The following TBC1D9B variants were observed in gnomAD, a reference collection of about 807,000 sequenced individuals.
TBC1D9B encodes TBC1 domain family member 9B.
In TBC1D9B, 87 loss-of-function variants were observed where a neutral mutation model predicts 121.1. The observed-to-expected ratio is 0.72, with a 90% CI of 0.60 to 0.86. The LOEUF (loss-of-function observed/expected upper bound fraction) is 0.86, where lower values mean the gene tolerates loss of function less well. Ranked by LOEUF, TBC1D9B falls within the 40% of genes least tolerant of loss-of-function variation. The pLI is 0.00. For missense variants in TBC1D9B, 1,540 were observed against 1,628.6 expected, an observed-to-expected ratio of 0.95 and a Z score of 0.94; for synonymous variants, 668 against 670.1, an observed-to-expected ratio of 1.00 and a Z score of 0.05.
chr5:179,903,426 T>C (rs1350578755), intron 2 of TBC1D9B, among the ~76,000 whole-genome samples: 1 of 152,142 alleles, frequency 6.6e-6, no homozygotes, highest in Admixed American at 6.5e-5. Flanking sequence ...GTGAGTGCGC[T>C]TCCACCTAGG....
intron 7 of TBC1D9B, among the ~76,000 whole-genome samples, chr5:179,880,401 A>C (rs1053233541): frequency 4.6e-5 from 7 of 152,166 alleles, no homozygotes; most frequent in African/African-American, 1.7e-4. Flanking sequence ...GACCAGGGCC[A>C]GCTGACTGCC....
At chr5:179,869,682 C>T (rs1359470614) in intron 17 of TBC1D9B, 87 bp downstream of exon 17, 3 of 1,468,992 alleles carry the variant, frequency 2.0e-6, no homozygotes, top group Admixed American at 3.6e-5. Flanking sequence ...CCTCGAGGCC[C>T]CACAGTCTCA....
Position 179,871,505 on chromosome 5 carries a change from C to G in TBC1D9B, c.2441G>C (p.Gly814Ala). 6.2e-7 allele frequency: 1 copy of G among 1,613,222 alleles called. No homozygotes were observed. The highest frequency in any genetic ancestry group is 2.2e-5 in the East Asian group (1 of 44,888). Residue 814 changes from glycine (G) to alanine (A), a missense_variant, in exon 15 of 21, where the codon GGT becomes GCT. Physicochemically the swap from Gly to Ala is moderately conservative, Grantham distance 60. Transcript: ENST00000355235. ...GTCCTCCAGCTCTTCAATGGAGAAA[C>G]CAATGTCCACAGGTATAGCTCGGAC... ...SVVRAIPVDIGFSIEELEDLY... is the reference protein window; with the variant it reads ...SVVRAIPVDIAFSIEELEDLY...
intron 5 of TBC1D9B, among the ~76,000 whole-genome samples, chr5:179,892,800 G>A (rs1483029155): frequency 1.3e-5 from 2 of 152,188 alleles, no homozygotes; most frequent in African/African-American, 2.4e-5. Flanking sequence ...ATTTACCAAA[G>A]CCTTTCTGGG....
chr5:179,886,314 A>G (rs917337226), intron 7 of TBC1D9B, among the ~76,000 whole-genome samples: 14 of 152,212 alleles, frequency 9.2e-5, no homozygotes, highest in African/African-American at 3.4e-4. Flanking sequence ...GGCCTAGAAT[A>G]GCAGCTGGCA....
At chr5:179,897,632 T>C (rs1761057596) in intron 3 of TBC1D9B, among the ~76,000 whole-genome samples, 1 of 152,236 alleles carries the variant, frequency 6.6e-6, no homozygotes. Flanking sequence ...GCCTCAATTC[T>C]AAATATTTTC....
rs1386697696 is a variant in TBC1D9B at position 179,863,273 on chromosome 5, A to T, written c.*175T>A. 2.9e-6 allele frequency: 2 copies of T among 695,814 alleles called. No individual in the cohort carries two copies. Among genetic ancestry groups the T allele is most frequent in the East Asian group, 5.7e-5 (2 of 34,858 alleles). 43.1% of individuals were successfully genotyped at this position (695,814 alleles called of 1,614,324 possible). A position where few individuals can be genotyped will look rare whatever the true frequency, so the allele number is the denominator to read the frequency against. ...GGCGCCAGGAGATGCAGGCCCAGGG[A>T]ATCTGTCTAAGGCAGCTGGGTCTGC... On this transcript the variant is annotated 3_prime_UTR_variant, in exon 21 of 21. Transcript: ENST00000355235. This position sits in a 1 kb window ranked among gnomAD's most constrained non-coding sequence, Gnocchi z 4.5.
intron 3 of TBC1D9B, 84 bp downstream of exon 3, chr5:179,899,105 C>A: frequency 8.6e-7 from 1 of 1,161,552 alleles, no homozygotes; most frequent in East Asian, 2.4e-5. Context: ...ACGCACCCTA[C>A]ATCGTGAAGA....
rs776988631 is a variant in TBC1D9B, at chr5:179,891,337, G to A, written c.1044+42C>T. The A allele has an allele frequency of 4.3e-6, 7 of 1,609,696 alleles. No individual in the cohort carries two copies. The highest frequency in any genetic ancestry group is 2.2e-5 in the East Asian group (1 of 44,836). ...TGGTCCCTGAGCCCACTGACACCTCGGGGCTGGAAAGGCCTTGGCCTCTCA... is the reference window on the plus strand; with the variant it reads ...TGGTCCCTGAGCCCACTGACACCTCAGGGCTGGAAAGGCCTTGGCCTCTCA... On this transcript the variant is annotated intron_variant, in intron 6 of 20. Transcript: ENST00000355235. The surrounding 1 kb of genome is among the most constrained non-coding windows in gnomAD (Gnocchi z 4.3).
chr5:179,881,100 C>T (rs1399877100), intron 7 of TBC1D9B, among the ~76,000 whole-genome samples: 3 of 152,170 alleles, frequency 2.0e-5, no homozygotes, highest in East Asian at 1.9e-4. Context: ...GTGCAGCCAA[C>T]GTGTGCTCCT....
At position 179,891,485 on chromosome 5, in the gene TBC1D9B, G is replaced by A. The variant is rs1196671733; in HGVS notation, c.938C>T (p.Pro313Leu). The A allele has an allele frequency of 3.7e-6, 6 of 1,614,088 alleles. No individual in the cohort carries two copies. The highest frequency in any genetic ancestry group is 1.1e-5 in the South Asian group (1 of 91,088). Residue 313 changes from proline to leucine, a missense_variant, in exon 6 of 21, where the codon CCG becomes CTG. Pro to Leu is a moderately conservative substitution (Grantham distance 98). Coordinates refer to ENST00000355235, the MANE Select transcript of TBC1D9B (RefSeq NM_015043.4). The surrounding 1 kb of genome is among the most constrained non-coding windows in gnomAD (Gnocchi z 4.3). ...DGHTSCTLWT[P>L]FNKLHIPGQM... ...GCCAGGGATGTGCAGCTTGTTGAACGGCGTCCACAGGGTGCAGCTTGTGTG... is the reference window on the plus strand; with the variant it reads ...GCCAGGGATGTGCAGCTTGTTGAACAGCGTCCACAGGGTGCAGCTTGTGTG...
chr5:179,880,013 C>T (rs907801370), intron 7 of TBC1D9B: 1 of 597,600 alleles, frequency 1.7e-6, no homozygotes, highest in African/African-American at 1.9e-5. Flanking sequence ...TAATTAACCC[C>T]ACTCTCACCA....
At chr5:179,867,746 TG>T in intron 18 of TBC1D9B, 31 bp downstream of exon 18, 1 of 1,601,504 alleles carries the variant, frequency 6.2e-7, no homozygotes. Context: ...GAGTGCTGGC[TG>T]GGCATGTCGG....
chr5:179,897,015 TC>T (rs1212543220), intron 3 of TBC1D9B, among the ~76,000 whole-genome samples: 1 of 152,058 alleles, frequency 6.6e-6, no homozygotes, highest in African/African-American at 2.4e-5. Context: ...CATGCCATTC[TC>T]CTGCCTCAGC....
At chr5:179,899,491 TA>T (rs1249174994) in intron 2 of TBC1D9B, among the ~76,000 whole-genome samples, 184 bp from the exon 3 acceptor site, 1 of 151,774 alleles carries the variant, frequency 6.6e-6, no homozygotes, top group East Asian at 1.9e-4. Context: ...ATGGTCCTGG[TA>T]AAAAAACAAA....
At position 179,891,923 on chromosome 5, in the gene TBC1D9B, C is replaced by T. The variant is rs1227241036; in HGVS notation, c.837-337G>A. Among the ~76,000 whole-genome samples, 1 of 152,178 alleles carries T rather than the reference C, an allele frequency of 6.6e-6. No individual in the cohort carries two copies. Among genetic ancestry groups the T allele is most frequent in the African/African-American group, 2.4e-5 (1 of 41,458 alleles). The stretch of plus-strand genomic sequence containing the variant: ...GATGGGCAAGCAGAGCCCAGAGCAC[C>T]TGCCCTGGATCCCACTCAGATGGAG... On this transcript the variant is annotated intron_variant, in intron 5 of 20. Coordinates refer to ENST00000355235, the MANE Select transcript of TBC1D9B (RefSeq NM_015043.4). This position sits in a 1 kb window ranked among gnomAD's most constrained non-coding sequence, Gnocchi z 4.3.
intron 3 of TBC1D9B, among the ~76,000 whole-genome samples, chr5:179,898,923 G>A (rs997288159): frequency 3.3e-5 from 5 of 152,170 alleles, no homozygotes; most frequent in East Asian, 1.9e-4. Flanking sequence ...GTCTATCTGC[G>A]TACGCCTTCC....
In TBC1D9B at chr5:179,885,593, C is replaced by A. The variant is rs552721653; in HGVS notation, c.1254+2510G>T. 8.4e-4 allele frequency among the ~76,000 whole-genome samples: 104 copies of A among 123,854 alleles called. No individual in the cohort carries two copies. The highest frequency in any genetic ancestry group is 4.1e-3 in the Middle Eastern group (1 of 244). The allele number at this position is 123,854 out of a possible 152,430, so 81.3% of individuals were successfully genotyped here. A position where few individuals can be genotyped will look rare whatever the true frequency, so the allele number is the denominator to read the frequency against. On this transcript the variant is annotated intron_variant, in intron 7 of 20. Coordinates refer to ENST00000355235, the MANE Select transcript of TBC1D9B (RefSeq NM_015043.4). This position sits in a 1 kb window ranked among gnomAD's most constrained non-coding sequence, Gnocchi z 4.5. ...GACAGAGCAAGACTCTGTCCCCCCCCCAAAAAAAAAAAGATGGAGGTATTT... is the reference window on the plus strand; with the variant it reads ...GACAGAGCAAGACTCTGTCCCCCCCACAAAAAAAAAAAGATGGAGGTATTT...
intron 17 of TBC1D9B, chr5:179,869,366 T>G (rs1582075678): frequency 8.2e-6 from 3 of 365,954 alleles, no homozygotes; most frequent in African/African-American, 6.4e-5. Flanking sequence ...AAGTGGCCCC[T>G]CCTCATGGCC....
Sources: allele counts gnomAD v4.1 joint callset (sites outside exome capture counted in the v4.1 genomes callset), GRCh38; gene constraint gnomAD v4.1.1; non-coding constraint Gnocchi (gnomAD v3.1); transcripts MANE v1.5; gene names NCBI Gene and HGNC (gene_info 2026-07-23, HGNC 2026-07-21).